LILRB5: variants seen among roughly 807,000 people sequenced by gnomAD.
LILRB5 encodes leukocyte immunoglobulin-like receptor subfamily B member 5.
LILRB5 carries 61 observed loss-of-function variants against 68.4 expected under a neutral mutation model. That is an observed-to-expected ratio of 0.89 (90% confidence interval 0.73 to 1.10). The LOEUF is 1.10. LILRB5 is among the 50% of genes least tolerant of loss of function. The pLI is 0.00. For missense variants in LILRB5, 771 were observed against 751.6 expected (o/e 1.03, Z -0.30); for synonymous variants, 356 against 315.8 (o/e 1.13, Z -1.35).
At chr19:54,254,512 G>T (rs1279568581) in intron 6 of LILRB5, 97 bp from the exon 7 acceptor site, 2 of 1,410,622 alleles carry the variant, frequency 1.4e-6, no homozygotes, top group South Asian at 1.3e-5. Flanking sequence ...ACTTTCTTCT[G>T]CTCACCTTTC....
Position 54,256,719 on chromosome 19 carries a change from C to A in LILRB5, c.125G>T (p.Gly42Val). Residue 42 changes from glycine to valine, a missense_variant, in exon 3 of 13, where the codon GGG becomes GTG. Transcript: ENST00000449561. Reference sequence around the variant, plus strand: ...CTGACACCAGAGGGTCACGGGCTTCCCCCGAGCTATCACAGAGGCTGGCTC... The same window carrying A: ...CTGACACCAGAGGGTCACGGGCTTCACCCGAGCTATCACAGAGGCTGGCTC... ...WAEPASVIAR[G>V]KPVTLWCQGP... 1.2e-6 allele frequency: 2 copies of A among 1,614,142 alleles called. No homozygotes were observed. Among genetic ancestry groups the A allele is most frequent in the Non-Finnish European group, 1.7e-6 (2 of 1,180,012 alleles).
At chr19:54,255,745 G>C (rs2079119533) in intron 4 of LILRB5, 163 bp from the exon 5 acceptor site, 1 of 877,640 alleles carries the variant, frequency 1.1e-6, no homozygotes, top group South Asian at 1.8e-5. Context: ...AGTAGTTCCA[G>C]ACCGATAGTG....
chr19:54,254,330 C>A (rs760806615), intron 7 of LILRB5, 35 bp downstream of exon 7: 2 of 1,551,602 alleles, frequency 1.3e-6, no homozygotes, highest in East Asian at 4.8e-5. Context: ...GGGGAGACCA[C>A]GCTCCCTCCG....
chr19:54,251,314 G>T (rs1001860725), intron 12 of LILRB5: 3 of 793,896 alleles, frequency 3.8e-6, no homozygotes, highest in African/African-American at 3.5e-5. Context: ...GGGTCTGGCC[G>T]CTCCCTCCCT....
chr19:54,252,883 G>T lies in LILRB5; in HGVS notation c.1462C>A (p.His488Asn). 3 of 1,602,280 alleles carry T rather than the reference G, an allele frequency of 1.9e-6. No individual in the cohort carries two copies. Among genetic ancestry groups the T allele is most frequent in the East Asian group, 2.3e-5 (1 of 43,812 alleles). ...LLLRHRHQSK[H>N]RTSAHFYRPA... ...ATTCCCTACTCACCCGATGTCCTGT[G>T]TTTGCTCTGATGCCGATGTCGGAGG... Residue 488 changes from histidine to asparagine, a missense_variant, in exon 9 of 13, where the codon CAC (histidine) becomes AAC (asparagine). His to Asn is a moderately conservative substitution (Grantham distance 68). Transcript: ENST00000449561.
At chr19:54,253,756 GA>G in intron 8 of LILRB5, 1 of 1,294,032 alleles carries the variant, frequency 7.7e-7, no homozygotes, top group Non-Finnish European at 1.1e-6. Flanking sequence ...GAGCTGCAGG[GA>G]AAGAGCCTGA....
At chr19:54,252,261 C>A (rs917569203) in intron 11 of LILRB5, 105 bp downstream of exon 11, 1 of 1,438,734 alleles carries the variant, frequency 7.0e-7, no homozygotes, top group East Asian at 2.3e-5. Context: ...GACCGCCTCC[C>A]CCTTGGCCCC....
rs752056518 is a variant in LILRB5, at chr19:54,254,518, C to A, written c.1256-103G>T. On this transcript the variant is annotated intron_variant, in intron 6 of 12. Transcript: ENST00000449561. ...TCTCTGGAAACTTTCTTCTGCTCAC[C>A]TTTCACCATTTGCATCCCAGGAGAT... 2.9e-6 allele frequency: 4 copies of A among 1,392,676 alleles called. No individual in the cohort carries two copies. In the East Asian group the frequency reaches 1.0e-4, roughly 35 times the overall value. The allele number at this position is 1,392,676 out of a possible 1,614,324, so 86.3% of individuals were successfully genotyped here.
intron 9 of LILRB5, 71 bp from the exon 10 acceptor site, chr19:54,252,620 C>A (rs983548164): frequency 1.3e-6 from 2 of 1,558,770 alleles, no homozygotes; most frequent in African/African-American, 2.7e-5. Flanking sequence ...ACAACTCGAG[C>A]GGAAAGAAGG....
Position 54,250,931 on chromosome 19 carries a change from G to A in LILRB5, c.1631C>T (p.Ala544Val), listed in dbSNP as rs1169933129. 6.3e-7 allele frequency: 1 copy of A among 1,599,938 alleles called. No individual in the cohort carries two copies. Among genetic ancestry groups the A allele is most frequent in the Admixed American group, 1.7e-5 (1 of 58,246 alleles). Reference sequence around the variant, plus strand: ...ATCCTGGGGGGCTTCAGATGCAGCAGCCTGCAGCGGGGGAGAGTGAGAGGG... The same window carrying A: ...ATCCTGGGGGGCTTCAGATGCAGCAACCTGCAGCGGGGGAGAGTGAGAGGG... The part of the protein sequence containing the change: ...PKDGVEMDAP[A>V]AASEAPQDVT... Residue 544 changes from alanine to valine, a missense_variant and splice_region_variant, in exon 13 of 13, where the codon GCT (alanine) becomes GTT (valine). Coordinates refer to ENST00000449561, the MANE Select transcript of LILRB5 (RefSeq NM_001081442.3).
chr19:54,252,213 G>A, intron 11 of LILRB5, 107 bp from the exon 12 acceptor site: 1 of 1,457,556 alleles, frequency 6.9e-7, no homozygotes, highest in South Asian at 1.2e-5. Flanking sequence ...ATCCAGGGAG[G>A]GACTGTGATG....
At position 54,257,239 on chromosome 19, in the gene LILRB5, C is replaced by T. The variant is rs367884746; in HGVS notation, c.-46G>A. The T allele has an allele frequency of 4.3e-5, 70 of 1,612,862 alleles. No individual in the cohort carries two copies. The highest frequency in any genetic ancestry group is 4.0e-5 in the African/African-American group (3 of 74,900). Reference sequence around the variant, plus strand: ...TCAGCTGTGCAGGCGGATGAGACCACGGTGCCTGGCAGGACACAAAAACAC... The same window carrying T: ...TCAGCTGTGCAGGCGGATGAGACCATGGTGCCTGGCAGGACACAAAAACAC... On this transcript the variant is annotated 5_prime_UTR_variant, in exon 1 of 13. The change creates a new upstream start codon in the 5' untranslated region. Transcript: ENST00000449561.
chr19:54,250,746 G>A lies in LILRB5; in HGVS notation c.*40C>T. On this transcript the variant is annotated 3_prime_UTR_variant, in exon 13 of 13. Transcript: ENST00000449561. ...CTCCTGTGCCTTCTGGAGTCTCTGA[G>A]TCTCCTTCTGTTGAGTATGAGATCT... 6.2e-7 allele frequency: 1 copy of A among 1,613,248 alleles called. No individual in the cohort carries two copies. The highest frequency in any genetic ancestry group is 8.5e-7 in the Non-Finnish European group (1 of 1,179,420).
chr19:54,251,908 C>G lies in LILRB5; in HGVS notation c.1629+146G>C, dbSNP rs573901556. Reference sequence around the variant, plus strand: ...CCAGGACAGCAGAAGAGAGTGAGGTCGCAGCAGGCGGGAGGCAGCGTGCTG... The same window carrying G: ...CCAGGACAGCAGAAGAGAGTGAGGTGGCAGCAGGCGGGAGGCAGCGTGCTG... On this transcript the variant is annotated intron_variant, in intron 12 of 12. Coordinates refer to ENST00000449561, the MANE Select transcript of LILRB5 (RefSeq NM_001081442.3). 2.9e-3 allele frequency: 2,635 copies of G among 896,144 alleles called. 9 individuals are homozygous for G. Among genetic ancestry groups the G allele is most frequent in the Non-Finnish European group, 4.3e-3 (2,290 of 526,666 alleles). The allele number at this position is 896,144 out of a possible 1,614,324, so 55.5% of individuals were successfully genotyped here.
chr19:54,255,764 A>G, intron 4 of LILRB5, 182 bp from the exon 5 acceptor site: 1 of 773,070 alleles, frequency 1.3e-6, no homozygotes, highest in Admixed American at 3.0e-5. Context: ...TGTCTCTCTG[A>G]CTCCTGGCCA....
chr19:54,251,690 TCC>T (rs527436037), intron 12 of LILRB5: 1 of 634,844 alleles, frequency 1.6e-6, no homozygotes, highest in Non-Finnish European at 3.0e-6. Flanking sequence ...TGTCTGCAGC[TCC>T]CATGGGGAGC....
intron 6 of LILRB5, 45 bp downstream of exon 6, chr19:54,254,690 G>C (rs1279161397): frequency 1.9e-6 from 3 of 1,608,732 alleles, no homozygotes; most frequent in Non-Finnish European, 1.7e-6. Context: ...GGCAGGGCCT[G>C]AGCTGAGCCT....
chr19:54,253,824 C>A, intron 8 of LILRB5, 194 bp downstream of exon 8: 1 of 1,474,330 alleles, frequency 6.8e-7, no homozygotes. Context: ...GTCACTGCTG[C>A]CGGTGGGACA....
chr19:54,256,267 C>T lies in LILRB5; in HGVS notation c.431G>A (p.Cys144Tyr), dbSNP rs2079138791. Residue 144 changes from cysteine to tyrosine, a missense_variant, in exon 4 of 13, where the codon TGT becomes TAT. Transcript: ENST00000449561. The part of the protein sequence containing the change: ...VASGGNVTLQ[C>Y]DTLDGLLTFV... ...CGTGAGAAGTCCGTCCAGTGTATCA[C>T]ACTGGAGGGTCACATTTCCTCCTGA... The T allele has an allele frequency of 2.5e-6, 4 of 1,613,888 alleles. No homozygotes were observed. Among genetic ancestry groups the T allele is most frequent in the Non-Finnish European group, 3.4e-6 (4 of 1,179,970 alleles).
Sources: allele counts gnomAD v4.1 joint callset, GRCh38; gene constraint gnomAD v4.1.1; transcripts MANE v1.5; gene names NCBI Gene and HGNC (gene_info 2026-07-23, HGNC 2026-07-21).